The following SERPINB2 variants were observed in gnomAD, a reference collection of about 807,000 sequenced individuals.
SERPINB2 encodes the protein plasminogen activator inhibitor 2.
In SERPINB2, 28 loss-of-function variants were observed where a neutral mutation model predicts 39.4. The observed-to-expected ratio is 0.71, with a 90% CI of 0.53 to 0.97. SERPINB2 has a LOEUF of 0.97. Ranked by LOEUF, SERPINB2 falls within the 50% of genes least tolerant of loss-of-function variation. The pLI is 0.00. For missense variants in SERPINB2, 557 were observed against 505.3 expected, an observed-to-expected ratio of 1.10 and a Z score of -0.98; for synonymous variants, 209 against 175.1, an observed-to-expected ratio of 1.19 and a Z score of -1.53.
chr18:63,889,225 A>G (rs1239897421), intron 1 of SERPINB2, among the ~76,000 whole-genome samples: 1 of 152,264 alleles, frequency 6.6e-6, no homozygotes, highest in Non-Finnish European at 1.5e-5. Context: ...ACTGCCATAC[A>G]GACATCAAAT....
At chr18:63,897,462 G>A (rs140097669) in intron 4 of SERPINB2, among the ~76,000 whole-genome samples, 292 of 152,230 alleles carry the variant, frequency 1.9e-3, no homozygotes, top group Admixed American at 4.6e-3. Context: ...GTTTTCCAGA[G>A]ACACTATCCC....
intron 6 of SERPINB2, 96 bp downstream of exon 6, chr18:63,901,978 TAGTTAGA>T (rs1474059842): frequency 2.5e-6 from 3 of 1,188,100 alleles, no homozygotes; most frequent in Non-Finnish European, 2.4e-6. Context: ...ATAGACTTGC[TAGTTAGA>T]AGTTATGCAT....
intron 2 of SERPINB2, among the ~76,000 whole-genome samples, chr18:63,892,218 G>A (rs1002147171): frequency 6.6e-6 from 1 of 152,140 alleles, no homozygotes; most frequent in African/African-American, 2.4e-5. Context: ...GTAGCAGAAT[G>A]AGACCTGGCA....
intron 1 of SERPINB2, among the ~76,000 whole-genome samples, chr18:63,889,248 T>C (rs2049910312): frequency 6.6e-6 from 1 of 152,232 alleles, no homozygotes; most frequent in African/African-American, 2.4e-5. Flanking sequence ...TATTTTTACA[T>C]TAAATGTAAT....
At chr18:63,888,775 A>G (rs1002622893) in intron 1 of SERPINB2, among the ~76,000 whole-genome samples, 1 of 152,234 alleles carries the variant, frequency 6.6e-6, no homozygotes, top group African/African-American at 2.4e-5. Context: ...TCATCCCAGT[A>G]ATACTATTAA....
rs79954733 is a variant in SERPINB2, at chr18:63,894,655, C to T, written c.169-609C>T. Among the ~76,000 whole-genome samples the T allele has an allele frequency of 2.4e-3, 373 of 152,276 alleles. 1 individual carries two copies. The highest frequency in any genetic ancestry group is 8.4e-3 in the African/African-American group (349 of 41,562). ...GGACAGTCCTTGCTGCCAGCTTCCC[C>T]GTGTCAGCCAAAACTGCCTACTTAC... On this transcript the variant is annotated intron_variant, in intron 2 of 7. Coordinates refer to ENST00000299502, the MANE Select transcript of SERPINB2 (RefSeq NM_002575.3).
chr18:63,893,861 C>T (rs2049942190), intron 2 of SERPINB2, among the ~76,000 whole-genome samples: 1 of 152,104 alleles, frequency 6.6e-6, no homozygotes. Context: ...ACGATGATTA[C>T]CGTACTCATT....
rs1261081001 is a variant in SERPINB2 at position 63,895,743 on chromosome 18, T to C, written c.288+360T>C. Among the ~76,000 whole-genome samples, 4 of 152,144 alleles carry C rather than the reference T, an allele frequency of 2.6e-5. No individual in the cohort carries two copies. The East Asian group carries it at 5.8e-4, about 22-fold the overall frequency. Reference sequence around the variant, plus strand: ...GAGGAGAGAGGGTAGGGACTGACAATTGATTGAGAAATGGCAGAAGGCTGG... The same window carrying C: ...GAGGAGAGAGGGTAGGGACTGACAACTGATTGAGAAATGGCAGAAGGCTGG... On this transcript the variant is annotated intron_variant, in intron 3 of 7. Transcript: ENST00000299502.
At chr18:63,894,917 T>C (rs554800742) in intron 2 of SERPINB2, among the ~76,000 whole-genome samples, 1 of 152,348 alleles carries the variant, frequency 6.6e-6, no homozygotes, top group African/African-American at 2.4e-5. Flanking sequence ...CTTGTGACTT[T>C]CTTTAAAATA....
intron 1 of SERPINB2, chr18:63,890,437 A>G (rs1211516521): frequency 1.3e-5 from 2 of 152,208 alleles, no homozygotes; most frequent in African/African-American, 2.4e-5. Flanking sequence ...GTATATTTAC[A>G]TATTTTGATA....
At position 63,903,081 on chromosome 18, in the gene SERPINB2, G is replaced by A. The variant is rs1374535654; in HGVS notation, c.1024G>A (p.Gly342Arg). Residue 342 changes from glycine to arginine, a missense_variant, in exon 8 of 8, where the codon GGG (glycine) becomes AGG (arginine). Gly to Arg is a moderately radical substitution (Grantham distance 125). Transcript: ENST00000299502. ...AFNKGRANFS[G>R]MSERNDLFLS... is the part of the protein sequence containing the mutation. ...CAACAAGGGACGGGCCAATTTCTCAGGGATGTCGGAGAGGAATGACCTGTT... is the reference window on the plus strand; with the variant it reads ...CAACAAGGGACGGGCCAATTTCTCAAGGATGTCGGAGAGGAATGACCTGTT... 2 of 1,613,642 alleles carry A rather than the reference G, an allele frequency of 1.2e-6. No individual in the cohort carries two copies. The highest frequency in any genetic ancestry group is 2.7e-5 in the African/African-American group (2 of 74,880).
At chr18:63,897,974 T>C (rs1916659) in intron 5 of SERPINB2, 130 bp downstream of exon 5, 167,523 of 649,106 alleles carry the variant, frequency 0.26, 23,505 homozygotes, top group East Asian at 0.4. Flanking sequence ...TTGGTGGATG[T>C]GAATTTATTC....
At chr18:63,896,109 G>A (rs1466694283) in intron 3 of SERPINB2, among the ~76,000 whole-genome samples, 2 of 152,056 alleles carry the variant, frequency 1.3e-5, no homozygotes, top group Non-Finnish European at 2.9e-5. Context: ...ATTATGAAGA[G>A]GTATCTCCCA....
rs374585473 is a variant in SERPINB2 at position 63,903,412 on chromosome 18, C to T, written c.*107C>T. 4 of 1,106,446 alleles carry T rather than the reference C, an allele frequency of 3.6e-6. No individual in the cohort carries two copies. In the African/African-American group the frequency reaches 6.5e-5, roughly 18 times the overall value. The allele number at this position is 1,106,446 out of a possible 1,614,324, so 68.5% of individuals were successfully genotyped here. A position where few individuals can be genotyped will look rare whatever the true frequency, so the allele number is the denominator to read the frequency against. ...TAGAGATGTTTTCTACATATTTCTG[C>T]TCTTCTGAACAACTTCTGCTACCCA... On this transcript the variant is annotated 3_prime_UTR_variant, in exon 8 of 8. Coordinates refer to ENST00000299502, the MANE Select transcript of SERPINB2 (RefSeq NM_002575.3).
rs772506058 is a variant in SERPINB2 at position 63,902,986 on chromosome 18, C to A, written c.929C>A (p.Pro310His). ...MAEDEVEVYI[P>H]QFKLEEHYEL... The stretch of plus-strand genomic sequence containing the variant: ...GAAGATGAAGTTGAGGTATACATAC[C>A]CCAGTTCAAATTAGAAGAGCATTAT... Residue 310 changes from proline to histidine, a missense_variant, in exon 8 of 8, where the codon CCC (proline) becomes CAC (histidine). Pro to His is a moderately conservative substitution (Grantham distance 77). Coordinates refer to ENST00000299502, the MANE Select transcript of SERPINB2 (RefSeq NM_002575.3). The A allele has an allele frequency of 2.5e-6, 4 of 1,613,700 alleles. No homozygotes were observed. The South Asian group carries it at 4.4e-5, about 18-fold the overall frequency.
At chr18:63,890,839 CAA>C (rs2049921211) in intron 1 of SERPINB2, 1 of 152,510 alleles carries the variant, frequency 6.6e-6, no homozygotes, top group African/African-American at 2.4e-5. Flanking sequence ...AACAATGAGT[CAA>C]AGTCACTTTA....
chr18:63,903,871 C>T lies in SERPINB2; in HGVS notation c.*566C>T, dbSNP rs921588126. The T allele has an allele frequency of 6.6e-6, 1 of 152,040 alleles. No individual in the cohort carries two copies. The highest frequency in any genetic ancestry group is 1.5e-5 in the Non-Finnish European group (1 of 68,014). The allele number at this position is 152,040 out of a possible 1,614,324, so 9.4% of individuals were successfully genotyped here. ...CAATTGCAAGTATATAATAAATAAA[C>T]CTGCTTCCAAACAACAATACATTTG... On this transcript the variant is annotated 3_prime_UTR_variant, in exon 8 of 8. Transcript: ENST00000299502.
chr18:63,892,154 A>G (rs1270513851), intron 2 of SERPINB2, among the ~76,000 whole-genome samples: 1 of 151,684 alleles, frequency 6.6e-6, no homozygotes, highest in Admixed American at 6.6e-5. Context: ...CACTATACCC[A>G]CAGGATGCAT....
chr18:63,902,064 C>G (rs2049994949), intron 6 of SERPINB2, among the ~76,000 whole-genome samples, 182 bp downstream of exon 6: 1 of 152,158 alleles, frequency 6.6e-6, no homozygotes, highest in Non-Finnish European at 1.5e-5. Context: ...TTTAATTATA[C>G]ATGCCCAGAC....
Sources: allele counts gnomAD v4.1 joint callset (sites outside exome capture counted in the v4.1 genomes callset), GRCh38; gene constraint gnomAD v4.1.1; transcripts MANE v1.5; gene names NCBI Gene and HGNC (gene_info 2026-07-23, HGNC 2026-07-21).